The following RASSF3 variants were observed in gnomAD, a reference collection of about 807,000 sequenced individuals.
The protein encoded by RASSF3 is ras association domain-containing protein 3.
RASSF3 carries 19 observed loss-of-function variants against 19.9 expected under a neutral mutation model. The ratio of observed to expected loss-of-function variants is 0.96; its 90% CI spans 0.67 to 1.40. RASSF3 has a LOEUF of 1.40. Among genes scored for constraint, RASSF3 ranks in the 40% most tolerant of loss-of-function variants. The pLI is 0.00. For missense variants in RASSF3, 306 were observed against 289.8 expected, an observed-to-expected ratio of 1.06 and a Z score of -0.41; for synonymous variants, 110 against 104.2, an observed-to-expected ratio of 1.06 and a Z score of -0.34.
At chr12:64,581,565 A>G (rs914166409) in intron 2 of RASSF3, among the ~76,000 whole-genome samples, 1 of 152,092 alleles carries the variant, frequency 6.6e-6, no homozygotes, top group African/African-American at 2.4e-5. Context: ...AAAAATAAAT[A>G]AAAATTAGCC....
At chr12:64,642,865 CTTT>C (rs537286977) in intron 1 of RASSF3, among the ~76,000 whole-genome samples, 2 of 138,906 alleles carry the variant, frequency 1.4e-5, no homozygotes, top group Non-Finnish European at 1.6e-5. Context: ...TTCTTTCTTT[CTTT>C]TTTTTTTTTT....
intron 2 of RASSF3, among the ~76,000 whole-genome samples, chr12:64,592,446 G>A (rs891999825): frequency 9.2e-5 from 14 of 151,936 alleles, no homozygotes; most frequent in Admixed American, 9.2e-4. Flanking sequence ...TGACCATGAG[G>A]CATTTATATT....
chr12:64,633,574 C>T (rs1230695085), intron 1 of RASSF3, among the ~76,000 whole-genome samples: 1 of 152,126 alleles, frequency 6.6e-6, no homozygotes, highest in East Asian at 1.9e-4. Flanking sequence ...TCCTGTGCAG[C>T]CAACAGAACT....
intron 1 of RASSF3, among the ~76,000 whole-genome samples, chr12:64,663,606 A>G (rs1872445333): frequency 6.6e-6 from 1 of 151,258 alleles, no homozygotes; most frequent in African/African-American, 2.4e-5. Flanking sequence ...CCCAGGTTCC[A>G]GTGATCCTCC....
intron 1 of RASSF3, among the ~76,000 whole-genome samples, chr12:64,629,403 C>T (rs575823641): frequency 6.0e-4 from 92 of 152,108 alleles, no homozygotes; most frequent in Non-Finnish European, 1.1e-3. Flanking sequence ...CCACTGCGCC[C>T]GTCCCACTGC....
At chr12:64,601,214 G>T (rs1251709048) in intron 2 of RASSF3, among the ~76,000 whole-genome samples, 1 of 152,160 alleles carries the variant, frequency 6.6e-6, no homozygotes, top group Non-Finnish European at 1.5e-5. Flanking sequence ...AATTGAACCT[G>T]GGAGGTTGAA....
chr12:64,559,561 G>A (rs7309636), intron 2 of RASSF3, among the ~76,000 whole-genome samples: 70,430 of 151,534 alleles, frequency 0.46, 18,705 homozygotes, highest in Non-Finnish European at 0.6. Flanking sequence ...GAGCCACCGC[G>A]CCTGGCCCCT....
intron 2 of RASSF3, among the ~76,000 whole-genome samples, chr12:64,602,727 GAAAA>G (rs1412573014): frequency 6.6e-6 from 1 of 151,850 alleles, no homozygotes; most frequent in Non-Finnish European, 1.5e-5. Context: ...CTCTAAAAAT[GAAAA>G]AAAGAAAGAA....
chr12:64,589,261 C>A (rs1473237779), intron 2 of RASSF3, among the ~76,000 whole-genome samples: 5 of 152,106 alleles, frequency 3.3e-5, no homozygotes, highest in Admixed American at 1.3e-4. Flanking sequence ...ACCAGCCTGG[C>A]CAACATGGTG....
In RASSF3 at chr12:64,642,966, A is replaced by C. The variant is rs574322593; in HGVS notation, c.111+32223A>C. On this transcript the variant is annotated intron_variant, in intron 1 of 4. Coordinates refer to ENST00000542104, the MANE Select transcript of RASSF3 (RefSeq NM_178169.4). ...CTGCAACCTCCGCCTCTGGGGTTCA[A>C]GTGATTCTCGTGCCTCAGCCTCAGC... is the stretch of plus-strand genomic sequence containing the variant. Among the ~76,000 whole-genome samples, 4 of 151,818 alleles carry C rather than the reference A, an allele frequency of 2.6e-5. No homozygotes were observed. The South Asian group carries it at 8.3e-4, about 32-fold the overall frequency.
In RASSF3 at chr12:64,679,967, A is replaced by G. The variant is rs116415860; in HGVS notation, c.112-4820A>G. Among the ~76,000 whole-genome samples, 1,224 of 152,300 alleles carry G rather than the reference A, an allele frequency of 8.0e-3. 17 individuals are homozygous for G. The highest frequency in any genetic ancestry group is 0.028 in the African/African-American group (1,171 of 41,572). On this transcript the variant is annotated intron_variant, in intron 1 of 4. Coordinates refer to ENST00000542104, the MANE Select transcript of RASSF3 (RefSeq NM_178169.4). ...TCTCCTGCCATCACAATGAAAGACC[A>G]GGGTTGACACTTGGTATTGTATCTA...
Position 64,610,574 on chromosome 12 carries a change from C to A in RASSF3, c.-59C>A, listed in dbSNP as rs1592417246. The A allele has an allele frequency of 5.1e-6, 5 of 976,212 alleles. No homozygotes were observed. The African/African-American group carries it at 5.2e-5, about 10-fold the overall frequency. The allele number at this position is 976,212 out of a possible 1,614,324, so 60.5% of individuals were successfully genotyped here. A position where few individuals can be genotyped will look rare whatever the true frequency, so the allele number is the denominator to read the frequency against. On this transcript the variant is annotated 5_prime_UTR_variant, in exon 1 of 5. Coordinates refer to ENST00000542104, the MANE Select transcript of RASSF3 (RefSeq NM_178169.4). Reference sequence around the variant, plus strand: ...CCTCGCGGGGCTGGCGGGCGCCGCACCCCCTCCCTGGCCGCCTGCGCCCCG... The same window carrying A: ...CCTCGCGGGGCTGGCGGGCGCCGCAACCCCTCCCTGGCCGCCTGCGCCCCG...
chr12:64,630,173 A>G (rs1871129306), intron 1 of RASSF3, among the ~76,000 whole-genome samples: 1 of 152,102 alleles, frequency 6.6e-6, no homozygotes, highest in African/African-American at 2.4e-5. Flanking sequence ...TTCATTCATC[A>G]AAAGGGAAAA....
In RASSF3 at chr12:64,526,373, A is replaced by G. The variant is rs551547708; in HGVS notation, c.170-15208A>G. 2.0e-5 allele frequency among the ~76,000 whole-genome samples: 3 copies of G among 152,244 alleles called. No homozygotes were observed. The South Asian group carries it at 6.2e-4, about 32-fold the overall frequency. ...AGTATAGGATACATTGTTACTAACT[A>G]TAGTCACTATGTTGTACAATAGAGC... is the stretch of plus-strand genomic sequence containing the variant. On this transcript the variant is annotated intron_variant, in intron 1 of 5. Coordinates refer to the RASSF3 transcript ENST00000637125.
chr12:64,518,457 A>G (rs1425278816), intron 1 of RASSF3, among the ~76,000 whole-genome samples: 1 of 152,236 alleles, frequency 6.6e-6, no homozygotes, highest in Non-Finnish European at 1.5e-5. Flanking sequence ...AGCAAGAAAG[A>G]CAGAAGGAAG....
chr12:64,586,049 G>A (rs531366380), intron 2 of RASSF3, among the ~76,000 whole-genome samples: 1 of 152,308 alleles, frequency 6.6e-6, no homozygotes, highest in East Asian at 1.9e-4. Context: ...GGTGGGCCAG[G>A]CACGGTGGCT....
chr12:64,577,909 G>A (rs1284998289), intron 2 of RASSF3, among the ~76,000 whole-genome samples: 2 of 152,124 alleles, frequency 1.3e-5, no homozygotes, highest in Non-Finnish European at 2.9e-5. Flanking sequence ...GGAACTTACA[G>A]TAGGGTAATG....
intron 2 of RASSF3, among the ~76,000 whole-genome samples, chr12:64,560,103 C>T (rs946853738): frequency 8.5e-5 from 13 of 152,174 alleles, no homozygotes; most frequent in Admixed American, 2.0e-4. Flanking sequence ...TGGGCCAGCC[C>T]GGCAGACCTG....
At chr12:64,575,281 T>C (rs949754155) in intron 2 of RASSF3, among the ~76,000 whole-genome samples, 7 of 152,230 alleles carry the variant, frequency 4.6e-5, no homozygotes, top group South Asian at 2.1e-4. Flanking sequence ...TGGCTGGGCG[T>C]GGTGGCTCAT....
Sources: gnomAD v4.1 joint callset for allele counts (sites outside exome capture counted in the v4.1 genomes callset) on GRCh38, gnomAD v4.1.1 for gene constraint, MANE v1.5 for transcripts, NCBI Gene and HGNC (gene_info 2026-07-23, HGNC 2026-07-21) for gene names.